The following PTPRT variants were observed in gnomAD, a reference collection of about 807,000 sequenced individuals.
The protein encoded by PTPRT is protein tyrosine phosphatase receptor type T, also known as receptor-type tyrosine-protein phosphatase T.
In PTPRT, 56 loss-of-function variants were observed where a neutral mutation model predicts 176.8. The ratio of observed to expected loss-of-function variants is 0.32; its 90% CI spans 0.26 to 0.40. PTPRT has a LOEUF of 0.40. Ranked by LOEUF, PTPRT falls within the 10% of genes least tolerant of loss-of-function variation. PTPRT has a pLI of 1.00. For synonymous variants in PTPRT, 783 were observed against 739.0 expected (o/e 1.06, Z -0.96); for missense variants, 1,540 against 1,908.2 (o/e 0.81, Z 3.60).
chr20:42,220,037 T>G (rs564409510), intron 15 of PTPRT, among the ~76,000 whole-genome samples: 1 of 116,690 alleles, frequency 8.6e-6, no homozygotes, highest in African/African-American at 2.9e-5. Context: ...TTTAAAAAAG[T>G]TATATATATA....
intron 17 of PTPRT, among the ~76,000 whole-genome samples, chr20:42,152,726 G>A (rs1989190727): frequency 6.6e-6 from 1 of 152,160 alleles, no homozygotes; most frequent in South Asian, 2.1e-4. Flanking sequence ...CCATGGTCAT[G>A]CATGAGCTTC....
chr20:43,119,935 T>C (rs1045552580), intron 1 of PTPRT, among the ~76,000 whole-genome samples: 26 of 152,184 alleles, frequency 1.7e-4, no homozygotes, highest in African/African-American at 5.5e-4. Flanking sequence ...CCTGGTTAAG[T>C]CCCTGAAACC....
Position 42,352,095 on chromosome 20 carries a change from G to A in PTPRT, c.1751C>T (p.Thr584Ile), listed in dbSNP as rs2145522307. The change falls in exon 10 of 31, where the codon ACC (threonine) becomes ATC (isoleucine). Residue 584 changes from threonine (T) to isoleucine (I), a missense_variant. Thr to Ile is a moderately conservative substitution (Grantham distance 89, BLOSUM62 -1). This residue lies in a region of PTPRT where 136 missense variants were observed against 135.0 expected (regional missense o/e 1.01). Coordinates refer to ENST00000373187, the MANE Select transcript of PTPRT (RefSeq NM_007050.6). ...FGPPVTTRIA[T>I]KISAPSMPEY... Reference sequence around the variant, plus strand: ...TCTAGCAGAGATACCTGAAATTTTGGTGGCAATCCGAGTGGTGACAGGGGG... The same window carrying A: ...TCTAGCAGAGATACCTGAAATTTTGATGGCAATCCGAGTGGTGACAGGGGG... The A allele has an allele frequency of 1.2e-6, 2 of 1,613,330 alleles. No individual in the cohort carries two copies. Among genetic ancestry groups the A allele is most frequent in the Non-Finnish European group, 1.7e-6 (2 of 1,179,524 alleles).
At chr20:42,473,142 C>T (rs2071228455) in intron 7 of PTPRT, among the ~76,000 whole-genome samples, 1 of 152,144 alleles carries the variant, frequency 6.6e-6, no homozygotes, top group East Asian at 1.9e-4. Context: ...TCCTTGACTA[C>T]ACAGTTCATC....
intron 7 of PTPRT, among the ~76,000 whole-genome samples, chr20:42,524,969 A>G (rs1171226493): frequency 6.6e-6 from 1 of 152,074 alleles, no homozygotes; most frequent in Admixed American, 6.5e-5. Context: ...CCTCCTCAAC[A>G]TTTGGTGTTC....
chr20:42,315,043 T>C (rs912072718), intron 12 of PTPRT, among the ~76,000 whole-genome samples: 15 of 152,162 alleles, frequency 9.9e-5, no homozygotes, highest in Non-Finnish European at 1.8e-4. Context: ...ATATTATGAC[T>C]GGTGCCAATC....
At chr20:42,937,646 A>T (rs940789134) in intron 1 of PTPRT, among the ~76,000 whole-genome samples, 10 of 152,236 alleles carry the variant, frequency 6.6e-5, no homozygotes, top group African/African-American at 2.4e-4. Flanking sequence ...GCTTTCAGAG[A>T]GTTGAGAGCA....
At chr20:42,061,844 G>T in the PTPRT span, among the ~76,000 whole-genome samples, 2 of 152,254 alleles carry the variant, frequency 1.3e-5, no homozygotes, top group African/African-American at 4.8e-5. Flanking sequence ...CGCTTGCGTG[G>T]TTGGGAAGGT....
At chr20:42,787,469 G>A (rs373199491) in intron 3 of PTPRT, among the ~76,000 whole-genome samples, 22 of 152,148 alleles carry the variant, frequency 1.4e-4, no homozygotes, top group African/African-American at 3.1e-4. Context: ...GAACTCCCAC[G>A]TGGGTAACTG....
chr20:42,205,400 T>C (rs1403801331), intron 15 of PTPRT, among the ~76,000 whole-genome samples: 1 of 152,184 alleles, frequency 6.6e-6, no homozygotes, highest in Non-Finnish European at 1.5e-5. Context: ...CTGTGGCTGT[T>C]AGAAGGAAGG....
chr20:42,812,703 T>G (rs2077717579), intron 2 of PTPRT, among the ~76,000 whole-genome samples: 1 of 152,146 alleles, frequency 6.6e-6, no homozygotes, highest in Non-Finnish European at 1.5e-5. Flanking sequence ...ATACTAGACA[T>G]GTTGCCTTGG....
intron 12 of PTPRT, among the ~76,000 whole-genome samples, chr20:42,286,067 C>T (rs974042759): frequency 6.6e-6 from 1 of 151,824 alleles, no homozygotes; most frequent in Non-Finnish European, 1.5e-5. Context: ...ACCAAAAATA[C>T]TGTTGAAAGA....
intron 6 of PTPRT, among the ~76,000 whole-genome samples, chr20:42,739,782 ACAC>A (rs1424030600): frequency 6.6e-6 from 1 of 152,230 alleles, no homozygotes; most frequent in Non-Finnish European, 1.5e-5. Context: ...CACAAACTAC[ACAC>A]CACAACCTAC....
chr20:42,659,765 G>A (rs970569553), intron 7 of PTPRT, among the ~76,000 whole-genome samples: 5 of 152,136 alleles, frequency 3.3e-5, no homozygotes, highest in Non-Finnish European at 1.5e-5. Context: ...ATAAAATAGT[G>A]TGGGTCAAGT....
rs1421930353 is a variant in PTPRT, at chr20:42,075,956, A to T, written c.*4923T>A. On this transcript the variant is annotated 3_prime_UTR_variant, in exon 31 of 31. Coordinates refer to ENST00000373187, the MANE Select transcript of PTPRT (RefSeq NM_007050.6). ...AAGTGACCATTTTGCTAAATAAGTC[A>T]TCTGCATCCTCGGTTCTGAGTATTC... 56 of 221,352 alleles carry T rather than the reference A, an allele frequency of 2.5e-4. No homozygotes were observed. In the East Asian group the frequency reaches 3.7e-3, roughly 15 times the overall value. The allele number at this position is 221,352 out of a possible 1,614,324, so 13.7% of individuals were successfully genotyped here. A position where few individuals can be genotyped will look rare whatever the true frequency, so the allele number is the denominator to read the frequency against.
chr20:42,794,481 A>T (rs2077424324), intron 2 of PTPRT, among the ~76,000 whole-genome samples: 1 of 152,110 alleles, frequency 6.6e-6, no homozygotes, highest in Admixed American at 6.5e-5. Flanking sequence ...CATGTACATA[A>T]AGCAGTGAGA....
intron 11 of PTPRT, among the ~76,000 whole-genome samples, chr20:42,339,109 T>G (rs999452519): frequency 2.0e-5 from 3 of 152,220 alleles, no homozygotes; most frequent in Non-Finnish European, 2.9e-5. Context: ...GAAGTGGATT[T>G]GTTTCTCCCA....
In PTPRT at chr20:43,070,742, G is replaced by A. The variant is rs185734790; in HGVS notation, c.88+118904C>T. Among the ~76,000 whole-genome samples the A allele has an allele frequency of 3.7e-3, 560 of 151,938 alleles. 2 individuals carry two copies. Among genetic ancestry groups the A allele is most frequent in the Non-Finnish European group, 6.0e-3 (410 of 67,982 alleles). On this transcript the variant is annotated intron_variant, in intron 1 of 30. Coordinates refer to ENST00000373187, the MANE Select transcript of PTPRT (RefSeq NM_007050.6). ...TCGCAAGGATAAAAAACCAAACACT[G>A]CATGTTCTCACTCATAGGTGGGAAT...
At chr20:43,135,249 C>T (rs912787261) in intron 1 of PTPRT, among the ~76,000 whole-genome samples, 5 of 152,116 alleles carry the variant, frequency 3.3e-5, no homozygotes, top group East Asian at 1.9e-4. Flanking sequence ...ACCTGGGTGT[C>T]GTTAGTCTAT....
Sources: gnomAD v4.1 joint callset for allele counts (sites outside exome capture counted in the v4.1 genomes callset) on GRCh38, gnomAD v4.1.1 for gene constraint, gnomAD v4.1.1 regional missense constraint, MANE v1.5 for transcripts, NCBI Gene and HGNC (gene_info 2026-07-23, HGNC 2026-07-21) for gene names.